The following STXBP5L variants were observed in gnomAD, a reference collection of about 807,000 sequenced individuals.
STXBP5L encodes syntaxin-binding protein 5-like.
A neutral mutation model predicts 144.5 loss-of-function variants in STXBP5L; 65 were observed. That is an observed-to-expected ratio of 0.45 (90% CI 0.37 to 0.55). The LOEUF is 0.55. STXBP5L is among the 20% of genes least tolerant of loss of function. The pLI is 0.00. For missense variants in STXBP5L, 1,298 were observed against 1,405.5 expected (o/e 0.92, Z 1.22); for synonymous variants, 505 against 469.6 (o/e 1.08, Z -0.97).
chr3:121,054,897 G>C (rs1008902042), intron 5 of STXBP5L, among the ~76,000 whole-genome samples: 9 of 151,848 alleles, frequency 5.9e-5, no homozygotes, highest in Admixed American at 4.6e-4. Context: ...CTTTTATGTG[G>C]ATGGACAGAG....
At chr3:121,239,714 G>T (rs1478229815) in intron 13 of STXBP5L, among the ~76,000 whole-genome samples, 1 of 116,404 alleles carries the variant, frequency 8.6e-6, no homozygotes. Flanking sequence ...GTTGTGGGGT[G>T]GGGGGAGGGG....
chr3:121,047,497 G>A (rs966526254), intron 5 of STXBP5L, among the ~76,000 whole-genome samples: 3 of 152,138 alleles, frequency 2.0e-5, no homozygotes, highest in Non-Finnish European at 2.9e-5. Flanking sequence ...AAGTCTCTTT[G>A]TAGGTCTCTA....
chr3:121,312,446 CTTTTTTTTTTTTTTTT>C (rs58989280), intron 19 of STXBP5L, among the ~76,000 whole-genome samples: 6 of 12,734 alleles, frequency 4.7e-4, no homozygotes, highest in East Asian at 2.8e-3. Flanking sequence ...GTATGTCAAT[CTTTTTTTTTTTTTTTT>C]TTTTTTTTTT....
At chr3:120,966,543 A>T (rs939111780) in intron 3 of STXBP5L, among the ~76,000 whole-genome samples, 1 of 152,080 alleles carries the variant, frequency 6.6e-6, no homozygotes, top group Non-Finnish European at 1.5e-5. Flanking sequence ...CAGGTCCCTC[A>T]ACTGCAGGTC....
At chr3:121,008,847 A>G (rs61798593) in intron 3 of STXBP5L, among the ~76,000 whole-genome samples, 2 of 152,050 alleles carry the variant, frequency 1.3e-5, no homozygotes, top group Non-Finnish European at 1.5e-5. Flanking sequence ...AGGAAAATCC[A>G]TATTTAGAAT....
At position 121,072,345 on chromosome 3, in the gene STXBP5L, C is replaced by T. The variant is rs1422595856; in HGVS notation, c.470+26810C>T. On this transcript the variant is annotated intron_variant, in intron 5 of 26. Coordinates refer to ENST00000471454, the MANE Select transcript of STXBP5L (RefSeq NM_001308330.2). ...CTTGAATCCCTGGGGGCCGTGTTGG[C>T]CGCTGCCATGGATTGTTTTGGGCAC... 2.6e-5 allele frequency among the ~76,000 whole-genome samples: 4 copies of T among 152,242 alleles called. No individual in the cohort carries two copies. The East Asian group carries it at 7.7e-4, about 29-fold the overall frequency.
At chr3:121,019,937 C>A (rs942751820) in intron 3 of STXBP5L, among the ~76,000 whole-genome samples, 1 of 152,016 alleles carries the variant, frequency 6.6e-6, no homozygotes, top group African/African-American at 2.4e-5. Context: ...CTCTGAATTG[C>A]CAGAAAAAGA....
intron 2 of STXBP5L, among the ~76,000 whole-genome samples, chr3:120,931,511 G>GC (rs1456128698): frequency 6.6e-6 from 1 of 152,074 alleles, no homozygotes; most frequent in African/African-American, 2.4e-5. Flanking sequence ...CCATGACCCA[G>GC]CCCTTAGTGC....
At chr3:121,219,036 T>C (rs2048892496) in intron 10 of STXBP5L, among the ~76,000 whole-genome samples, 1 of 152,196 alleles carries the variant, frequency 6.6e-6, no homozygotes, top group South Asian at 2.1e-4. Context: ...TAGTCAATAA[T>C]ACAACTATGT....
At chr3:121,283,511 A>G (rs1322477503) in intron 19 of STXBP5L, among the ~76,000 whole-genome samples, 1 of 152,000 alleles carries the variant, frequency 6.6e-6, no homozygotes, top group African/African-American at 2.4e-5. Context: ...AGCTTATTTG[A>G]TACTATGATA....
chr3:121,235,077 A>G (rs1251790951), intron 12 of STXBP5L, among the ~76,000 whole-genome samples: 6 of 151,910 alleles, frequency 3.9e-5, no homozygotes, highest in African/African-American at 1.2e-4. Flanking sequence ...GTATACATAC[A>G]TTCTTGTGCT....
At position 121,010,387 on chromosome 3, in the gene STXBP5L, T is replaced by C. The variant is rs1944683367; in HGVS notation, c.288-31313T>C. Among the ~76,000 whole-genome samples the C allele has an allele frequency of 2.0e-5, 3 of 151,894 alleles. No homozygotes were observed. In the South Asian group the frequency reaches 6.2e-4, roughly 32 times the overall value. ...ATTTATGGAAACTGGGCAAGGTATT[T>C]TAATTTTCCCTTTGGTGTCTAATAT... On this transcript the variant is annotated intron_variant, in intron 3 of 26. Transcript: ENST00000471454.
intron 2 of STXBP5L, 53 bp from the exon 3 acceptor site, chr3:120,954,887 A>G: frequency 6.8e-7 from 1 of 1,471,832 alleles, no homozygotes; most frequent in African/African-American, 1.4e-5. Context: ...GTATCTTGTG[A>G]TTGTAATTTT....
At chr3:121,338,988 AT>A (rs2044611008) in intron 20 of STXBP5L, among the ~76,000 whole-genome samples, 1 of 152,112 alleles carries the variant, frequency 6.6e-6, no homozygotes, top group Non-Finnish European at 1.5e-5. Context: ...ATTGGCGCCA[AT>A]TTTGCTGAAA....
At chr3:121,405,775 A>G (rs1288581342) in intron 22 of STXBP5L, among the ~76,000 whole-genome samples, 2 of 152,154 alleles carry the variant, frequency 1.3e-5, no homozygotes, top group Non-Finnish European at 2.9e-5. Flanking sequence ...TAAACCCTGT[A>G]TAAACCTAAT....
chr3:120,999,374 C>G (rs73187409), intron 3 of STXBP5L, among the ~76,000 whole-genome samples: 6,059 of 152,244 alleles, frequency 0.04, 170 homozygotes, highest in Middle Eastern at 0.082. Flanking sequence ...TTTGTTTTAT[C>G]TGAAATAAGA....
intron 3 of STXBP5L, among the ~76,000 whole-genome samples, chr3:120,977,418 T>C (rs534962126): frequency 1.3e-5 from 2 of 152,290 alleles, no homozygotes; most frequent in East Asian, 3.9e-4. Context: ...TTCATCCCTT[T>C]ATTTTGAGCC....
At chr3:121,044,733 A>T (rs1228664112) in intron 4 of STXBP5L, among the ~76,000 whole-genome samples, 1 of 152,178 alleles carries the variant, frequency 6.6e-6, no homozygotes, top group Non-Finnish European at 1.5e-5. Flanking sequence ...ACAAACAGTT[A>T]TTATCTGTCC....
chr3:121,368,946 T>C (rs1030789480), intron 20 of STXBP5L, among the ~76,000 whole-genome samples: 13 of 152,174 alleles, frequency 8.5e-5, no homozygotes, highest in Non-Finnish European at 4.4e-5. Flanking sequence ...GGAATGAGGG[T>C]AAGTGCAACA....
Sources: allele counts gnomAD v4.1 joint callset (sites outside exome capture counted in the v4.1 genomes callset), GRCh38; gene constraint gnomAD v4.1.1; transcripts MANE v1.5; gene names NCBI Gene and HGNC (gene_info 2026-07-23, HGNC 2026-07-21).